The following GM2A variants were observed in gnomAD, a reference collection of about 807,000 sequenced individuals.
GM2A encodes ganglioside GM2 activator.
GM2A carries 7 observed loss-of-function variants against 12.9 expected under a neutral mutation model. The observed-to-expected ratio is 0.54, with a 90% CI of 0.31 to 1.02. The LOEUF (loss-of-function observed/expected upper bound fraction) is 1.02, where lower values mean the gene tolerates loss of function less well. Ranked by LOEUF, GM2A falls within the 50% of genes least tolerant of loss-of-function variation. The pLI is 0.05. For synonymous variants in GM2A, 101 were observed against 96.0 expected (o/e 1.05, Z -0.30); for missense variants, 246 against 241.0 (o/e 1.02, Z -0.14).
At chr5:151,253,361 C>T in intron 1 of GM2A, 64 bp downstream of exon 1, 2 of 1,229,364 alleles carry the variant, frequency 1.6e-6, no homozygotes, top group Non-Finnish European at 2.4e-6. Context: ...GTGTGCGGGT[C>T]TGGCTGAGAT....
intron 2 of GM2A, among the ~76,000 whole-genome samples, chr5:151,266,519 A>C (rs527922153): frequency 6.6e-6 from 1 of 152,150 alleles, no homozygotes; most frequent in East Asian, 1.9e-4. Context: ...TTGATTATTA[A>C]TGTCTGCCAT....
intron 1 of GM2A, 81 bp downstream of exon 1, chr5:151,253,378 G>T: frequency 1.0e-6 from 1 of 965,218 alleles, no homozygotes. Context: ...AGATATGGGG[G>T]TGGCCACTCC....
At chr5:151,258,799 C>A (rs1461917660) in intron 1 of GM2A, among the ~76,000 whole-genome samples, 1 of 152,090 alleles carries the variant, frequency 6.6e-6, no homozygotes, top group Admixed American at 6.6e-5. Context: ...AGGTGGGCAT[C>A]AGCTTGGGGG....
intron 2 of GM2A, among the ~76,000 whole-genome samples, chr5:151,264,913 C>T (rs1179185115): frequency 1.3e-5 from 2 of 151,264 alleles, no homozygotes; most frequent in Non-Finnish European, 2.9e-5. Flanking sequence ...ACGCAGGAAG[C>T]AGAGTTTGTA....
At chr5:151,265,550 T>C (rs1753868024) in intron 2 of GM2A, among the ~76,000 whole-genome samples, 1 of 152,216 alleles carries the variant, frequency 6.6e-6, no homozygotes, top group Non-Finnish European at 1.5e-5. Context: ...TTCCTGGTGC[T>C]CTTTCCTGAG....
In GM2A at chr5:151,269,358, G is replaced by A. The variant is rs372489813; in HGVS notation, c.*1907G>A. The A allele has an allele frequency of 1.4e-5, 14 of 985,426 alleles. No individual in the cohort carries two copies. The highest frequency in any genetic ancestry group is 1.4e-4 in the South Asian group (3 of 21,282). The allele number at this position is 985,426 out of a possible 1,614,324, so 61.0% of individuals were successfully genotyped here. On this transcript the variant is annotated 3_prime_UTR_variant, in exon 4 of 4. Coordinates refer to ENST00000357164, the MANE Select transcript of GM2A (RefSeq NM_000405.5). ...TTTGTTGGAACGGTACAGGTGAGCC[G>A]AGGTGATTCCAGGGACGGACCCTTC... is the stretch of plus-strand genomic sequence containing the variant.
rs1024739579 is a variant in GM2A, at chr5:151,270,354, A to G, written c.*2903A>G. On this transcript the variant is annotated 3_prime_UTR_variant, in exon 4 of 4. Transcript: ENST00000357164. ...CAACAAAATATTGACACATTTGACT[A>G]CATGAAGATAATAAAAATGCTTAGT... The G allele has an allele frequency of 1.3e-5, 5 of 398,738 alleles. No homozygotes were observed. Among genetic ancestry groups the G allele is most frequent in the Non-Finnish European group, 1.8e-5 (4 of 226,272 alleles). 24.7% of individuals were successfully genotyped at this position (398,738 alleles called of 1,614,324 possible).
intron 2 of GM2A, among the ~76,000 whole-genome samples, chr5:151,264,685 G>A (rs1378734842): frequency 6.6e-6 from 1 of 152,122 alleles, no homozygotes; most frequent in Non-Finnish European, 1.5e-5. Flanking sequence ...TCCCACTTTT[G>A]AAGATGAGGC....
At chr5:151,254,082 A>G (rs970834604) in intron 1 of GM2A, among the ~76,000 whole-genome samples, 17 of 152,260 alleles carry the variant, frequency 1.1e-4, no homozygotes, top group African/African-American at 2.9e-4. Context: ...CATTTTCTTT[A>G]TGCATTCAAT....
chr5:151,269,960 C>A lies in GM2A; in HGVS notation c.*2509C>A. ...ATCTGACACCTCACCTGGCAATGAC[C>A]TCCACAGCCGTTTCCCTCTGTTGGA... is the stretch of plus-strand genomic sequence containing the variant. On this transcript the variant is annotated 3_prime_UTR_variant, in exon 4 of 4. Transcript: ENST00000357164. The A allele has an allele frequency of 8.2e-7, 1 of 1,213,486 alleles. No individual in the cohort carries two copies. Among genetic ancestry groups the A allele is most frequent in the Non-Finnish European group, 1.0e-6 (1 of 976,898 alleles). The allele number at this position is 1,213,486 out of a possible 1,614,324, so 75.2% of individuals were successfully genotyped here.
chr5:151,255,926 G>A (rs1160486218), intron 1 of GM2A, among the ~76,000 whole-genome samples: 5 of 152,190 alleles, frequency 3.3e-5, no homozygotes, highest in African/African-American at 4.8e-5. Context: ...TAGATTGGCA[G>A]TTTTGAAGAG....
chr5:151,262,393 G>A (rs1205723117), intron 2 of GM2A, among the ~76,000 whole-genome samples: 2 of 152,204 alleles, frequency 1.3e-5, no homozygotes, highest in Admixed American at 6.5e-5. Flanking sequence ...CAGCTCCTAC[G>A]TTATGGGCTT....
intron 1 of GM2A, among the ~76,000 whole-genome samples, chr5:151,257,715 C>G (rs1412602986): frequency 6.6e-6 from 1 of 152,198 alleles, no homozygotes; most frequent in East Asian, 1.9e-4. Flanking sequence ...CCCTCATCTA[C>G]TACATTTAGC....
At chr5:151,253,375 G>A (rs1753626183) in intron 1 of GM2A, 78 bp downstream of exon 1, 2 of 1,002,900 alleles carry the variant, frequency 2.0e-6, no homozygotes, top group African/African-American at 3.2e-5. Context: ...CTGAGATATG[G>A]GGGTGGCCAC....
rs1330643294 is a variant in GM2A, at chr5:151,267,358, C to A, written c.489C>A (p.Leu163=). Residue 163 remains leucine (L), a synonymous_variant, in exon 4 of 4, where the codon CTC becomes CTA. Transcript: ENST00000357164. ...VVPDLELPSW[L]TTGNYRIESV... is the part of the protein sequence containing the mutation. ...CTGACCTGGAGCTGCCCAGTTGGCT[C>A]ACCACCGGGAACTACCGCATAGAGA... 6.2e-7 allele frequency: 1 copy of A among 1,614,084 alleles called. No homozygotes were observed. Among genetic ancestry groups the A allele is most frequent in the South Asian group, 1.1e-5 (1 of 91,074 alleles).
At chr5:151,253,583 G>A (rs1323181386) in intron 1 of GM2A, among the ~76,000 whole-genome samples, 1 of 151,994 alleles carries the variant, frequency 6.6e-6, no homozygotes, top group African/African-American at 2.4e-5. Flanking sequence ...TAAAACTAAG[G>A]CATTGCCCCC....
At chr5:151,253,365 C>T in intron 1 of GM2A, 68 bp downstream of exon 1, 1 of 1,154,138 alleles carries the variant, frequency 8.7e-7, no homozygotes, top group East Asian at 2.4e-5. Flanking sequence ...GCGGGTCTGG[C>T]TGAGATATGG....
At chr5:151,264,843 G>A (rs780638820) in intron 2 of GM2A, among the ~76,000 whole-genome samples, 4 of 152,084 alleles carry the variant, frequency 2.6e-5, no homozygotes, top group Admixed American at 6.6e-5. Context: ...TTAGCCAGGC[G>A]TGGTAGCTCA....
intron 1 of GM2A, among the ~76,000 whole-genome samples, chr5:151,254,809 C>T (rs1241730236): frequency 6.6e-6 from 1 of 152,090 alleles, no homozygotes; most frequent in Admixed American, 6.5e-5. Flanking sequence ...GAAGACTGTA[C>T]TGAAAGTGAA....
Sources: allele counts gnomAD v4.1 joint callset (sites outside exome capture counted in the v4.1 genomes callset), GRCh38; gene constraint gnomAD v4.1.1; transcripts MANE v1.5; gene names NCBI Gene and HGNC (gene_info 2026-07-23, HGNC 2026-07-21).